Variants in ZNF521 observed in about 807,000 individuals in gnomAD.
ZNF521 encodes the protein LYST-interacting protein 3.
Under a neutral mutation model 105.5 loss-of-function variants are expected in ZNF521, and 14 were observed. That is an observed-to-expected ratio of 0.13 (90% confidence interval 0.09 to 0.21). The LOEUF (loss-of-function observed/expected upper bound fraction) is 0.21, where lower values mean the gene tolerates loss of function less well. Ranked by LOEUF, ZNF521 falls within the 10% of genes least tolerant of loss-of-function variation. ZNF521 has a pLI of 1.00. For synonymous variants in ZNF521, 635 were observed against 606.0 expected, an observed-to-expected ratio of 1.05 and a Z score of -0.70; for missense variants, 1,233 against 1,629.7, an observed-to-expected ratio of 0.76 and a Z score of 4.19.
intron 7 of ZNF521, among the ~76,000 whole-genome samples, chr18:25,074,907 A>T (rs186291689): frequency 6.6e-6 from 1 of 152,214 alleles, no homozygotes; most frequent in Non-Finnish European, 1.5e-5. Flanking sequence ...TGGTGAGAGT[A>T]ATCTATAACC....
intron 5 of ZNF521, among the ~76,000 whole-genome samples, chr18:25,133,649 T>C (rs564835298): frequency 3.9e-4 from 59 of 152,190 alleles, no homozygotes; most frequent in Non-Finnish European, 5.6e-4. Context: ...AAATAAACTT[T>C]ATTTTCTCAC....
chr18:25,121,298 A>G (rs2034438967), intron 5 of ZNF521, among the ~76,000 whole-genome samples: 1 of 146,054 alleles, frequency 6.8e-6, no homozygotes, highest in African/African-American at 2.5e-5. Context: ...TTTGAGACAA[A>G]GTCTCGCTCT....
chr18:25,112,827 T>C (rs1773336507), intron 5 of ZNF521, among the ~76,000 whole-genome samples: 2 of 152,142 alleles, frequency 1.3e-5, no homozygotes, highest in South Asian at 4.1e-4. Context: ...TTCCTCTCTC[T>C]ATAATTAGCC....
chr18:25,331,893 C>CTTTTTTTTT (rs11407486), intron 2 of ZNF521, among the ~76,000 whole-genome samples: 4 of 134,524 alleles, frequency 3.0e-5, no homozygotes, highest in African/African-American at 5.5e-5. Flanking sequence ...TTGCTTTTTT[C>CTTTTTTTTT]TTTTTTTTTT....
intron 5 of ZNF521, among the ~76,000 whole-genome samples, chr18:25,117,666 C>G (rs1360810432): frequency 1.3e-5 from 2 of 151,770 alleles, no homozygotes; most frequent in Non-Finnish European, 2.9e-5. Context: ...GGCTTAACAC[C>G]TTAATGAATA....
At chr18:25,328,200 C>T (rs1913342741) in intron 2 of ZNF521, among the ~76,000 whole-genome samples, 1 of 152,152 alleles carries the variant, frequency 6.6e-6, no homozygotes, top group South Asian at 2.1e-4. Flanking sequence ...TAAACAAAAT[C>T]GCACTGTTGA....
chr18:25,266,579 G>A (rs1041842330), intron 3 of ZNF521, among the ~76,000 whole-genome samples: 1 of 152,148 alleles, frequency 6.6e-6, no homozygotes, highest in Non-Finnish European at 1.5e-5. Flanking sequence ...TGCTTGGACA[G>A]TGGGTGCAGC....
intron 2 of ZNF521, among the ~76,000 whole-genome samples, chr18:25,324,586 G>T (rs945619080): frequency 4.6e-5 from 7 of 152,148 alleles, no homozygotes; most frequent in Non-Finnish European, 7.3e-5. Context: ...TGGTTGTTTA[G>T]CATGAGTTTC....
intron 7 of ZNF521, among the ~76,000 whole-genome samples, chr18:25,064,190 A>T (rs970108017): frequency 6.6e-6 from 1 of 152,226 alleles, no homozygotes; most frequent in Non-Finnish European, 1.5e-5. Flanking sequence ...CATGCCTTCA[A>T]AGTGCTCACA....
intron 2 of ZNF521, among the ~76,000 whole-genome samples, chr18:25,324,344 A>T (rs1360163582): frequency 6.6e-6 from 1 of 151,536 alleles, no homozygotes; most frequent in African/African-American, 2.4e-5. Context: ...ATACTACAGG[A>T]CCCACCACAT....
intron 3 of ZNF521, among the ~76,000 whole-genome samples, chr18:25,281,892 T>C (rs1017784198): frequency 4.6e-5 from 7 of 152,066 alleles, no homozygotes; most frequent in African/African-American, 1.7e-4. Flanking sequence ...CAGGCGGTAC[T>C]TCATCAGCAT....
At chr18:25,275,712 A>C (rs1311470616) in intron 3 of ZNF521, among the ~76,000 whole-genome samples, 1 of 152,156 alleles carries the variant, frequency 6.6e-6, no homozygotes, top group Non-Finnish European at 1.5e-5. Context: ...CTTTCCTGCC[A>C]AACAAATCTA....
intron 5 of ZNF521, among the ~76,000 whole-genome samples, chr18:25,150,040 C>T (rs541183945): frequency 6.6e-6 from 1 of 152,138 alleles, no homozygotes; most frequent in Non-Finnish European, 1.5e-5. Flanking sequence ...TTTGTACCCA[C>T]AATTAATGAA....
intron 5 of ZNF521, among the ~76,000 whole-genome samples, chr18:25,187,787 C>T (rs562896853): frequency 3.3e-5 from 5 of 152,128 alleles, no homozygotes; most frequent in Admixed American, 1.3e-4. Flanking sequence ...CAGAAGACAG[C>T]GAAGTAATGG....
At chr18:25,246,087 GA>G (rs1428927419) in intron 3 of ZNF521, among the ~76,000 whole-genome samples, 1 of 152,094 alleles carries the variant, frequency 6.6e-6, no homozygotes, top group African/African-American at 2.4e-5. Flanking sequence ...GGGGTGGGAG[GA>G]GGGGGGAGGG....
At chr18:25,341,704 T>C (rs1387206562) in intron 2 of ZNF521, among the ~76,000 whole-genome samples, 1 of 152,258 alleles carries the variant, frequency 6.6e-6, no homozygotes, top group African/African-American at 2.4e-5. Flanking sequence ...TTTGTCTAAC[T>C]GCTTCATCTG....
chr18:25,183,794 A>G (rs2035673677), intron 5 of ZNF521, among the ~76,000 whole-genome samples: 1 of 152,160 alleles, frequency 6.6e-6, no homozygotes, highest in Non-Finnish European at 1.5e-5. Flanking sequence ...AAAAGTCCTC[A>G]TTTACTAGCA....
chr18:25,152,844 A>T (rs2035074632), intron 5 of ZNF521, among the ~76,000 whole-genome samples: 1 of 152,144 alleles, frequency 6.6e-6, no homozygotes, highest in Non-Finnish European at 1.5e-5. Flanking sequence ...GCTGGCATTA[A>T]TGAAAACAGT....
intron 5 of ZNF521, among the ~76,000 whole-genome samples, chr18:25,131,559 T>C (rs45473096): frequency 0.17 from 26,134 of 152,126 alleles, 2,429 homozygotes; most frequent in Middle Eastern, 0.26. Flanking sequence ...ATATCTATCA[T>C]GACATAAATA....
Sources: allele counts gnomAD v4.1 joint callset (sites outside exome capture counted in the v4.1 genomes callset), GRCh38; gene constraint gnomAD v4.1.1; transcripts MANE v1.5; gene names NCBI Gene and HGNC (gene_info 2026-07-23, HGNC 2026-07-21).